The following ASXL1 variants were observed in gnomAD, a reference collection of about 807,000 sequenced individuals.
ASXL1 encodes the protein polycomb group protein ASXL1.
A neutral mutation model predicts 89.1 loss-of-function variants in ASXL1; 65 were observed. That is an observed-to-expected ratio of 0.73 (90% CI 0.60 to 0.90). The LOEUF (loss-of-function observed/expected upper bound fraction) is 0.90. ASXL1 is among the 40% of genes least tolerant of loss of function. The pLI, the probability that ASXL1 is intolerant of heterozygous loss-of-function variation, is 0.00. For synonymous variants in ASXL1, 739 were observed against 746.9 expected, an observed-to-expected ratio of 0.99 and a Z score of 0.17; for missense variants, 1,786 against 1,942.9, an observed-to-expected ratio of 0.92 and a Z score of 1.52.
intron 4 of ASXL1, among the ~76,000 whole-genome samples, chr20:32,399,352 T>C (rs13044035): frequency 7.2e-5 from 11 of 152,170 alleles, no homozygotes; most frequent in Non-Finnish European, 7.4e-5. Context: ...GCTTTTTTTT[T>C]CCTTGCTGCT....
At position 32,429,051 on chromosome 20, in the gene ASXL1, C is replaced by T; in HGVS notation, c.472-287C>T. ...GAGAGAACAGGAGATTGGGAGTGAG[C>T]AGTTTGAATGATAACCCTGCACTTA... On this transcript the variant is annotated intron_variant, in intron 6 of 12. Coordinates refer to ENST00000375687, the MANE Select transcript of ASXL1 (RefSeq NM_015338.6). This position sits in a 1 kb window ranked among gnomAD's most constrained non-coding sequence, Gnocchi z 4.9. The T allele has an allele frequency of 2.3e-6, 1 of 428,158 alleles. No individual in the cohort carries two copies. Among genetic ancestry groups the T allele is most frequent in the East Asian group, 4.9e-5 (1 of 20,248 alleles). 26.5% of individuals were successfully genotyped at this position (428,158 alleles called of 1,614,324 possible).
chr20:32,409,098 C>G (rs6087382), intron 4 of ASXL1, among the ~76,000 whole-genome samples: 14 of 152,074 alleles, frequency 9.2e-5, no homozygotes, highest in Non-Finnish European at 2.1e-4. Context: ...CTCAGCCTCC[C>G]TAGTAGCTGG....
intron 4 of ASXL1, among the ~76,000 whole-genome samples, chr20:32,409,296 T>C (rs2049006729): frequency 6.6e-6 from 1 of 152,260 alleles, no homozygotes; most frequent in Admixed American, 6.5e-5. Context: ...TTTTCGATGC[T>C]ATTATACATG....
At chr20:32,393,981 C>T (rs2048716983) in intron 4 of ASXL1, among the ~76,000 whole-genome samples, 1 of 147,026 alleles carries the variant, frequency 6.8e-6, no homozygotes, top group Non-Finnish European at 1.5e-5. Flanking sequence ...CAGGTGCGTG[C>T]CACCACACCT....
chr20:32,367,630 C>T, intron 2 of ASXL1, 97 bp from the exon 3 acceptor site: 2 of 768,686 alleles, frequency 2.6e-6, no homozygotes, highest in South Asian at 2.7e-5. Flanking sequence ...TGTACTTATC[C>T]ACTGTGTAGT....
chr20:32,377,796 A>G (rs1203060531), intron 4 of ASXL1, among the ~76,000 whole-genome samples: 1 of 151,298 alleles, frequency 6.6e-6, no homozygotes, highest in Non-Finnish European at 1.5e-5. Flanking sequence ...GGGATTACAG[A>G]CATGAGGCAC....
intron 4 of ASXL1, among the ~76,000 whole-genome samples, chr20:32,412,301 A>G (rs1354810148): frequency 1.3e-5 from 2 of 152,224 alleles, no homozygotes; most frequent in African/African-American, 4.8e-5. Context: ...GCTCAGTTTT[A>G]GTATAAACAC....
At position 32,358,725 on chromosome 20, in the gene ASXL1, C is replaced by A; in HGVS notation, c.-51C>A. On this transcript the variant is annotated 5_prime_UTR_variant, in exon 1 of 13. Coordinates refer to ENST00000375687, the MANE Select transcript of ASXL1 (RefSeq NM_015338.6). ...CCAGCCCCGCGCCACCGCCCCAGCC[C>A]GCCCAGCCCGGAGGTCCCGCGTGGA... is the stretch of plus-strand genomic sequence containing the variant. The A allele has an allele frequency of 2.5e-6, 3 of 1,179,306 alleles. No individual in the cohort carries two copies. The highest frequency in any genetic ancestry group is 2.8e-5 in the South Asian group (2 of 72,372). 73.1% of individuals were successfully genotyped at this position (1,179,306 alleles called of 1,614,324 possible).
chr20:32,360,041 A>T, intron 1 of ASXL1: 1 of 496,098 alleles, frequency 2.0e-6, no homozygotes. Context: ...TTTTGAAGTG[A>T]GTTTTCTGCT....
chr20:32,415,325 A>G (rs936417528), intron 4 of ASXL1, among the ~76,000 whole-genome samples: 21 of 151,788 alleles, frequency 1.4e-4, no homozygotes, highest in Non-Finnish European at 2.4e-4. Flanking sequence ...ATGATTTTCT[A>G]TTGTTGGTCT....
chr20:32,424,922 C>T (rs1216336161), intron 4 of ASXL1, among the ~76,000 whole-genome samples: 1 of 152,196 alleles, frequency 6.6e-6, no homozygotes. Context: ...ATATGGCCAG[C>T]AGCCAGGCGC....
chr20:32,434,258 TCTC>T, intron 12 of ASXL1, 171 bp from the exon 13 acceptor site: 1 of 868,198 alleles, frequency 1.2e-6, no homozygotes, highest in Non-Finnish European at 1.8e-6. Context: ...AGCAGAATCT[TCTC>T]TGAATGGTGT....
chr20:32,432,462 C>A, intron 10 of ASXL1: 1 of 252,736 alleles, frequency 4.0e-6, no homozygotes, highest in Non-Finnish European at 7.7e-6. Flanking sequence ...TCAGCATAAG[C>A]CGTATTGTTT....
intron 4 of ASXL1, among the ~76,000 whole-genome samples, chr20:32,378,656 G>A (rs2048430370): frequency 6.6e-6 from 1 of 152,102 alleles, no homozygotes; most frequent in African/African-American, 2.4e-5. Flanking sequence ...GGAATTTCCT[G>A]TTGTCATAAG....
At chr20:32,401,544 GT>G (rs35146454) in intron 4 of ASXL1, among the ~76,000 whole-genome samples, 10 of 69,330 alleles carry the variant, frequency 1.4e-4, no homozygotes, top group African/African-American at 3.5e-4. Flanking sequence ...GTGTGTGTGT[GT>G]TTTTTCCCCC....
At chr20:32,415,744 C>T (rs574365721) in intron 4 of ASXL1, among the ~76,000 whole-genome samples, 1 of 152,286 alleles carries the variant, frequency 6.6e-6, no homozygotes, top group East Asian at 1.9e-4. Flanking sequence ...TTTCTGTTGA[C>T]ATCCCTCATC....
Position 32,358,382 on chromosome 20 carries a change from G to A in ASXL1, c.-394G>A, listed in dbSNP as rs2048046880. The A allele has an allele frequency of 8.5e-6, 2 of 234,154 alleles. No homozygotes were observed. Among genetic ancestry groups the A allele is most frequent in the Non-Finnish European group, 1.7e-5 (2 of 119,474 alleles). The allele number at this position is 234,154 out of a possible 1,614,324, so 14.5% of individuals were successfully genotyped here. ...GACACGCACGCACCCGGGCGCCGAAGGGAAAGCCGCGTCTCGCCCTCCCGC... is the reference window on the plus strand; with the variant it reads ...GACACGCACGCACCCGGGCGCCGAAAGGAAAGCCGCGTCTCGCCCTCCCGC... On this transcript the variant is annotated 5_prime_UTR_variant, in exon 1 of 13. Coordinates refer to ENST00000375687, the MANE Select transcript of ASXL1 (RefSeq NM_015338.6).
intron 4 of ASXL1, among the ~76,000 whole-genome samples, chr20:32,378,294 A>G (rs2048423779): frequency 1.3e-5 from 2 of 151,920 alleles, no homozygotes; most frequent in Non-Finnish European, 2.9e-5. Flanking sequence ...TGCTAGGATT[A>G]TAGGCGTGAA....
At chr20:32,428,622 CT>C in intron 6 of ASXL1, 200 bp downstream of exon 6, 1 of 196,786 alleles carries the variant, frequency 5.1e-6, no homozygotes. Context: ...TTTTCTCTTT[CT>C]TTACCTTGGC....
Sources: gnomAD v4.1 joint callset for allele counts (sites outside exome capture counted in the v4.1 genomes callset) on GRCh38, gnomAD v4.1.1 for gene constraint, Gnocchi (gnomAD v3.1) non-coding constraint, MANE v1.5 for transcripts, NCBI Gene and HGNC (gene_info 2026-07-23, HGNC 2026-07-21) for gene names.